Variants in SORCS2 observed in about 807,000 individuals in gnomAD.
SORCS2 encodes sortilin related VPS10 domain containing receptor 2, also known as VPS10 domain-containing receptor SorCS2.
SORCS2 carries 100 observed loss-of-function variants against 141.6 expected under a neutral mutation model. That is an observed-to-expected ratio of 0.71 (90% confidence interval 0.60 to 0.83). The LOEUF (loss-of-function observed/expected upper bound fraction) is 0.83, where lower values mean the gene tolerates loss of function less well. Ranked by LOEUF, SORCS2 falls within the 40% of genes least tolerant of loss-of-function variation. The pLI is 0.00. For synonymous variants in SORCS2, 789 were observed against 676.9 expected (o/e 1.17, Z -2.57); for missense variants, 1,646 against 1,560.2 (o/e 1.05, Z -0.93).
intron 2 of SORCS2, among the ~76,000 whole-genome samples, chr4:7,415,439 T>C (rs1725602780): frequency 6.6e-6 from 1 of 152,192 alleles, no homozygotes; most frequent in Non-Finnish European, 1.5e-5. Context: ...CCTCTGACCC[T>C]TTTTTTGTTG....
intron 3 of SORCS2, among the ~76,000 whole-genome samples, chr4:7,567,451 A>G (rs1715101908): frequency 1.4e-5 from 2 of 138,744 alleles, no homozygotes; most frequent in Admixed American, 1.4e-4. Context: ...TTTTTTAAAG[A>G]ATGTTCCTCT....
chr4:7,309,066 G>T (rs1041077762), intron 1 of SORCS2, among the ~76,000 whole-genome samples: 2 of 152,192 alleles, frequency 1.3e-5, no homozygotes, highest in African/African-American at 4.8e-5. Context: ...ACTGGACCGT[G>T]GTGCCTGGGT....
intron 2 of SORCS2, among the ~76,000 whole-genome samples, chr4:7,435,501 C>G (rs1416259623): frequency 2.0e-5 from 3 of 152,216 alleles, no homozygotes; most frequent in African/African-American, 4.8e-5. Flanking sequence ...AGGTCTTAAA[C>G]TGTGAAGTGG....
At chr4:7,398,519 C>T (rs1724365822) in intron 2 of SORCS2, among the ~76,000 whole-genome samples, 1 of 152,210 alleles carries the variant, frequency 6.6e-6, no homozygotes, top group Non-Finnish European at 1.5e-5. Flanking sequence ...CCAGATGTTT[C>T]TTCGCCTTTA....
Position 7,193,268 on chromosome 4 carries a change from T to C in SORCS2, c.480+142T>C. 1 of 1,133,386 alleles carries C rather than the reference T, an allele frequency of 8.8e-7. No individual in the cohort carries two copies. Among genetic ancestry groups the C allele is most frequent in the Non-Finnish European group, 1.1e-6 (1 of 878,266 alleles). The allele number at this position is 1,133,386 out of a possible 1,614,324, so 70.2% of individuals were successfully genotyped here. ...TGGCGACTTGGGCACTTGGGTCACC[T>C]CGGCCGCGCCCCTACTGGCCTCTGG... On this transcript the variant is annotated intron_variant, in intron 1 of 26. Coordinates refer to ENST00000507866, the MANE Select transcript of SORCS2 (RefSeq NM_020777.3). This position sits in a 1 kb window ranked among gnomAD's most constrained non-coding sequence, Gnocchi z 4.8.
intron 2 of SORCS2, among the ~76,000 whole-genome samples, chr4:7,461,567 C>T (rs139567514): frequency 6.6e-6 from 1 of 152,344 alleles, no homozygotes; most frequent in African/African-American, 2.4e-5. Context: ...CAGAAAATTT[C>T]CAAGGACATA....
At chr4:7,212,578 C>G (rs943198822) in intron 1 of SORCS2, among the ~76,000 whole-genome samples, 4 of 152,240 alleles carry the variant, frequency 2.6e-5, no homozygotes, top group African/African-American at 9.6e-5. Context: ...TGGCTTCCTT[C>G]TCAGGCAGTC....
rs116199070 is a variant in SORCS2 at position 7,491,820 on chromosome 4, T to A, written c.549-39710T>A. On this transcript the variant is annotated intron_variant, in intron 2 of 26. Transcript: ENST00000507866. Reference sequence around the variant, plus strand: ...GGTGAGGGCTGGCTCAGGGCACCCATCAGGTCAGGAGGGGTAGAACTGGCC... The same window carrying A: ...GGTGAGGGCTGGCTCAGGGCACCCAACAGGTCAGGAGGGGTAGAACTGGCC... 9.0e-3 allele frequency among the ~76,000 whole-genome samples: 1,374 copies of A among 152,208 alleles called. 25 individuals are homozygous for A. The highest frequency in any genetic ancestry group is 0.032 in the African/African-American group (1,313 of 41,538).
chr4:7,712,618 A>T (rs1358053177), intron 14 of SORCS2, 115 bp from the exon 15 acceptor site: 2 of 1,435,330 alleles, frequency 1.4e-6, no homozygotes, highest in Non-Finnish European at 1.9e-6. Context: ...CAGGAGAAGG[A>T]TATCTGTGCC....
intron 16 of SORCS2, 48 bp from the exon 17 acceptor site, chr4:7,715,135 G>T (rs547780903): frequency 1.2e-6 from 2 of 1,604,384 alleles, no homozygotes; most frequent in Admixed American, 3.4e-5. Context: ...GGGTGACTCC[G>T]GTTCCCACCT....
chr4:7,535,391 G>C (rs1379324796), intron 3 of SORCS2, among the ~76,000 whole-genome samples: 1 of 152,196 alleles, frequency 6.6e-6, no homozygotes, highest in Admixed American at 6.5e-5. Context: ...ATGAGAGGCT[G>C]ACCCCCTGGC....
intron 1 of SORCS2, among the ~76,000 whole-genome samples, chr4:7,306,830 G>A (rs539883026): frequency 1.2e-3 from 180 of 152,348 alleles, no homozygotes; most frequent in Non-Finnish European, 2.2e-3. Flanking sequence ...AACACATGCT[G>A]CTTTTGGGGT....
chr4:7,265,189 G>A (rs1359128410), intron 1 of SORCS2, among the ~76,000 whole-genome samples: 1 of 152,218 alleles, frequency 6.6e-6, no homozygotes, highest in Non-Finnish European at 1.5e-5. Context: ...CCTGGAGGCT[G>A]GAAGTCAGAA....
intron 1 of SORCS2, among the ~76,000 whole-genome samples, chr4:7,248,518 C>T (rs1713282366): frequency 6.6e-6 from 1 of 152,184 alleles, no homozygotes; most frequent in South Asian, 2.1e-4. Context: ...CTGTGAAGTG[C>T]CTGGCCTGCC....
intron 3 of SORCS2, among the ~76,000 whole-genome samples, chr4:7,580,751 G>C (rs185809286): frequency 2.6e-5 from 4 of 152,278 alleles, no homozygotes; most frequent in East Asian, 1.9e-4. Context: ...TGTGTGGCAA[G>C]AATATGAATC....
chr4:7,698,029 C>A (rs1209501569), intron 12 of SORCS2, among the ~76,000 whole-genome samples: 1 of 151,968 alleles, frequency 6.6e-6, no homozygotes, highest in African/African-American at 2.4e-5. Flanking sequence ...GGAGGGATGC[C>A]AGTCGGTACC....
At chr4:7,723,245 C>T (rs754696826) in intron 18 of SORCS2, among the ~76,000 whole-genome samples, 21 of 152,302 alleles carry the variant, frequency 1.4e-4, no homozygotes, top group Non-Finnish European at 2.6e-4. Flanking sequence ...GAAAATCCTG[C>T]TTGGTTTCCA....
At chr4:7,414,310 C>T (rs1243965910) in intron 2 of SORCS2, among the ~76,000 whole-genome samples, 2 of 152,114 alleles carry the variant, frequency 1.3e-5, no homozygotes, top group African/African-American at 2.4e-5. Flanking sequence ...GTCCTACCCC[C>T]GGGCATGCTG....
intron 2 of SORCS2, among the ~76,000 whole-genome samples, chr4:7,425,761 C>T (rs141438495): frequency 6.6e-5 from 10 of 152,346 alleles, no homozygotes; most frequent in Non-Finnish European, 1.2e-4. Flanking sequence ...TGCGAGTTCT[C>T]ACATGACCAG....
Sources: allele counts gnomAD v4.1 joint callset (sites outside exome capture counted in the v4.1 genomes callset), GRCh38; gene constraint gnomAD v4.1.1; non-coding constraint Gnocchi (gnomAD v3.1); transcripts MANE v1.5; gene names NCBI Gene and HGNC (gene_info 2026-07-23, HGNC 2026-07-21).